ELF1: variants seen among roughly 807,000 people sequenced by gnomAD.
ELF1 encodes the protein ETS-related transcription factor Elf-1.
In ELF1, 24 loss-of-function variants were observed where a neutral mutation model predicts 59.9. That is an observed-to-expected ratio of 0.40 (90% CI 0.29 to 0.56). The LOEUF (loss-of-function observed/expected upper bound fraction) is 0.56. Among genes scored for constraint, ELF1 ranks in the 20% least tolerant of loss-of-function variants. ELF1 has a pLI of 0.44. For missense variants in ELF1, 627 were observed against 742.2 expected (o/e 0.84, Z 1.80); for synonymous variants, 248 against 266.2 (o/e 0.93, Z 0.67).
At chr13:41,031,674 G>A (rs970962358) in intron 1 of ELF1, among the ~76,000 whole-genome samples, 1 of 151,798 alleles carries the variant, frequency 6.6e-6, no homozygotes, top group East Asian at 1.9e-4. Context: ...AAAAAAATTA[G>A]CCAGGGGTGT....
At chr13:40,939,956 A>C (rs1870028035) in intron 8 of ELF1, among the ~76,000 whole-genome samples, 1 of 152,206 alleles carries the variant, frequency 6.6e-6, no homozygotes, top group Admixed American at 6.5e-5. Flanking sequence ...GATTTAAGAG[A>C]ATATTTTCAC....
At chr13:41,060,247 C>T (rs1593419129) in intron 1 of ELF1, among the ~76,000 whole-genome samples, 1 of 152,326 alleles carries the variant, frequency 6.6e-6, no homozygotes, top group Admixed American at 6.5e-5. Context: ...TCGTAAATAC[C>T]CTGCGGCCAG....
chr13:41,060,543 T>A (rs1269707004), intron 1 of ELF1, among the ~76,000 whole-genome samples: 2 of 151,916 alleles, frequency 1.3e-5, no homozygotes, highest in East Asian at 3.9e-4. Flanking sequence ...GGAAGCGCAT[T>A]CGCTTCTCCA....
At chr13:40,999,456 T>C (rs1037559191) in intron 1 of ELF1, among the ~76,000 whole-genome samples, 4 of 152,140 alleles carry the variant, frequency 2.6e-5, no homozygotes, top group African/African-American at 7.2e-5. Flanking sequence ...AGTTTAGAGA[T>C]AGTTAACAGC....
At chr13:41,050,856 G>C (rs1389374341) in intron 1 of ELF1, among the ~76,000 whole-genome samples, 3 of 152,152 alleles carry the variant, frequency 2.0e-5, no homozygotes, top group African/African-American at 7.2e-5. Context: ...GCCTCTTTCA[G>C]ATTTTTTAGA....
intron 1 of ELF1, among the ~76,000 whole-genome samples, chr13:41,046,424 A>G (rs1876850156): frequency 6.6e-6 from 1 of 152,104 alleles, no homozygotes; most frequent in African/African-American, 2.4e-5. Flanking sequence ...GGCTGGTACC[A>G]GTTGTTCCTT....
chr13:40,977,447 C>T (rs1872982349), intron 2 of ELF1, among the ~76,000 whole-genome samples: 1 of 152,036 alleles, frequency 6.6e-6, no homozygotes, highest in African/African-American at 2.4e-5. Flanking sequence ...CGCCATGACC[C>T]CTGCCATCTC....
chr13:41,054,037 A>G (rs996123477), intron 1 of ELF1, among the ~76,000 whole-genome samples: 2 of 152,192 alleles, frequency 1.3e-5, no homozygotes, highest in Non-Finnish European at 2.9e-5. Context: ...GGATAATACC[A>G]TATGTCTTAT....
chr13:41,022,535 A>C (rs1429433820), upstream of ELF1, among the ~76,000 whole-genome samples: 1 of 152,198 alleles, frequency 6.6e-6, no homozygotes, highest in Non-Finnish European at 1.5e-5. Flanking sequence ...AAAACTAAAT[A>C]GGGCAAATTG....
At chr13:40,987,409 C>T (rs1400865594) in intron 1 of ELF1, among the ~76,000 whole-genome samples, 8 of 149,294 alleles carry the variant, frequency 5.4e-5, no homozygotes, top group Non-Finnish European at 7.4e-5. Context: ...GGTGAAACCC[C>T]GTCCCTACCA....
At chr13:40,939,617 C>T (rs557056261) in intron 8 of ELF1, among the ~76,000 whole-genome samples, 2 of 152,106 alleles carry the variant, frequency 1.3e-5, no homozygotes, top group Admixed American at 6.5e-5. Context: ...AGAATACGGA[C>T]AGTAAGAGTT....
intron 5 of ELF1, among the ~76,000 whole-genome samples, chr13:40,945,439 TA>T (rs1287806618): frequency 5.3e-5 from 8 of 150,064 alleles, no homozygotes; most frequent in Admixed American, 3.3e-4. Flanking sequence ...ACTGCCAATC[TA>T]AAAAAAAAAT....
chr13:41,047,483 T>C (rs1354797642), intron 1 of ELF1, among the ~76,000 whole-genome samples: 2 of 152,160 alleles, frequency 1.3e-5, no homozygotes, highest in African/African-American at 4.8e-5. Context: ...TGTTTGTTAG[T>C]TTTCCTTCTA....
At chr13:40,956,173 C>T (rs1418700196) in intron 3 of ELF1, among the ~76,000 whole-genome samples, 6 of 149,904 alleles carry the variant, frequency 4.0e-5, no homozygotes, top group Non-Finnish European at 6.0e-5. Context: ...GGATGGTTGC[C>T]GTGTCTGTGT....
intron 2 of ELF1, among the ~76,000 whole-genome samples, chr13:40,960,415 G>C (rs1871742261): frequency 6.6e-6 from 1 of 152,062 alleles, no homozygotes; most frequent in Admixed American, 6.6e-5. Flanking sequence ...CTTTTGAAGA[G>C]TACAGGTCAT....
intron 1 of ELF1, among the ~76,000 whole-genome samples, chr13:41,042,820 A>C (rs1034325917): frequency 2.6e-5 from 4 of 152,190 alleles, no homozygotes; most frequent in Non-Finnish European, 5.9e-5. Flanking sequence ...TTGAAAATAT[A>C]CCCTGTAATG....
intron 8 of ELF1, among the ~76,000 whole-genome samples, chr13:40,936,704 T>C (rs1452592319): frequency 1.5e-5 from 2 of 132,840 alleles, no homozygotes; most frequent in Non-Finnish European, 3.1e-5. Flanking sequence ...GAGCTTGCAG[T>C]GAGCCGAGAT....
chr13:41,058,589 T>C (rs1035619618), intron 1 of ELF1, among the ~76,000 whole-genome samples: 5 of 152,220 alleles, frequency 3.3e-5, no homozygotes, highest in East Asian at 3.8e-4. Context: ...CCCAGGTATA[T>C]AGTACAACTA....
At chr13:40,936,440 C>T (rs61242690) in intron 8 of ELF1, among the ~76,000 whole-genome samples, 4 of 152,116 alleles carry the variant, frequency 2.6e-5, no homozygotes, top group Admixed American at 1.3e-4. Context: ...TTCGCTGCTT[C>T]TGTTTAAATT....
Sources: gnomAD v4.1 joint callset for allele counts (sites outside exome capture counted in the v4.1 genomes callset) on GRCh38, gnomAD v4.1.1 for gene constraint, MANE v1.5 for transcripts, NCBI Gene and HGNC (gene_info 2026-07-23, HGNC 2026-07-21) for gene names.